Variants in INSYN2A observed in about 807,000 individuals in gnomAD.
The protein encoded by INSYN2A is family with sequence similarity 196 member A.
A neutral mutation model predicts 39.4 loss-of-function variants in INSYN2A; 17 were observed. The ratio of observed to expected loss-of-function variants is 0.43; its 90% CI spans 0.30 to 0.65. INSYN2A has a LOEUF of 0.65. INSYN2A is among the 30% of genes least tolerant of loss of function. The pLI is 0.14. For missense variants in INSYN2A, 595 were observed against 631.2 expected, an observed-to-expected ratio of 0.94 and a Z score of 0.61; for synonymous variants, 255 against 265.7, an observed-to-expected ratio of 0.96 and a Z score of 0.39.
intron 4 of INSYN2A, among the ~76,000 whole-genome samples, chr10:127,174,540 C>T (rs945508071): frequency 1.3e-5 from 2 of 152,114 alleles, no homozygotes; most frequent in South Asian, 4.2e-4. Context: ...AAGTATTGGC[C>T]GTGAAGTTAG....
At chr10:127,195,259 C>T (rs1265049017) in intron 1 of INSYN2A, among the ~76,000 whole-genome samples, 1 of 152,162 alleles carries the variant, frequency 6.6e-6, no homozygotes, top group Non-Finnish European at 1.5e-5. Context: ...GGGCTGCCCG[C>T]GGGCTCCCTC....
intron 4 of INSYN2A, among the ~76,000 whole-genome samples, chr10:127,166,043 T>A (rs972810996): frequency 1.3e-5 from 2 of 152,158 alleles, no homozygotes; most frequent in Non-Finnish European, 2.9e-5. Context: ...TTAAAAAATT[T>A]AAAAAATGCC....
intron 4 of INSYN2A, among the ~76,000 whole-genome samples, chr10:127,172,685 A>G (rs1030069980): frequency 2.0e-5 from 3 of 152,192 alleles, no homozygotes; most frequent in African/African-American, 7.2e-5. Context: ...TCCCAGGAAC[A>G]CAACAGAGAC....
intron 5 of INSYN2A, among the ~76,000 whole-genome samples, chr10:127,143,633 T>C (rs2051492197): frequency 6.6e-6 from 1 of 152,178 alleles, no homozygotes; most frequent in African/African-American, 2.4e-5. Flanking sequence ...TCAACTGACA[T>C]TGGCGCCAAC....
At chr10:127,156,638 G>A (rs1449825986) in intron 4 of INSYN2A, among the ~76,000 whole-genome samples, 2 of 131,474 alleles carry the variant, frequency 1.5e-5, no homozygotes, top group Non-Finnish European at 3.1e-5. Context: ...GCACAATCTG[G>A]GCTCACCACA....
At chr10:127,173,495 G>T (rs7916891) in intron 4 of INSYN2A, among the ~76,000 whole-genome samples, 1 of 152,014 alleles carries the variant, frequency 6.6e-6, no homozygotes, top group African/African-American at 2.4e-5. Flanking sequence ...TCTTGTGTTC[G>T]TGGGTGTTCA....
intron 4 of INSYN2A, among the ~76,000 whole-genome samples, chr10:127,166,059 TTTC>T (rs1306233464): frequency 6.6e-6 from 1 of 152,118 alleles, no homozygotes; most frequent in Non-Finnish European, 1.5e-5. Flanking sequence ...ATGCCTGCAT[TTTC>T]TTATTTATTT....
intron 2 of INSYN2A, among the ~76,000 whole-genome samples, chr10:127,184,350 A>G (rs2056023557): frequency 8.0e-6 from 1 of 125,256 alleles, no homozygotes; most frequent in African/African-American, 3.3e-5. Context: ...AGTCGTCACC[A>G]TGCCCTATTC....
chr10:127,171,991 C>A (rs1357363710), intron 4 of INSYN2A, among the ~76,000 whole-genome samples: 1 of 152,232 alleles, frequency 6.6e-6, no homozygotes, highest in Non-Finnish European at 1.5e-5. Flanking sequence ...AGGCATGATC[C>A]ACCGTGCCCG....
At position 127,148,030 on chromosome 10, in the gene INSYN2A, CAAAAAAAAAAAAAAA is replaced by C. The variant is rs57503481; in HGVS notation, c.1256+5807_1256+5821del. 4.1e-3 allele frequency among the ~76,000 whole-genome samples: 257 copies of C among 63,334 alleles called. 1 individual carries two copies. Among genetic ancestry groups the C allele is most frequent in the Middle Eastern group, 0.016 (1 of 64 alleles). The allele number at this position is 63,334 out of a possible 152,430, so 41.5% of individuals were successfully genotyped here. ...TGGGCAACAGAGTGAGACTCTGTCTCAAAAAAAAAAAAAAAAAAAAAAAAAAAAATTCCACCTGTC... is the reference window on the plus strand; with the variant it reads ...TGGGCAACAGAGTGAGACTCTGTCTCAAAAAAAAAAAAAATTCCACCTGTC... On this transcript the variant is annotated intron_variant, in intron 5 of 5. Coordinates refer to ENST00000522781, the MANE Select transcript of INSYN2A (RefSeq NM_001039762.3).
intron 5 of INSYN2A, 29 bp downstream of exon 5, chr10:127,153,823 A>G (rs369222449): frequency 6.5e-7 from 1 of 1,535,596 alleles, no homozygotes; most frequent in South Asian, 1.1e-5. Context: ...TCATAATAAG[A>G]AAGTGGGAAG....
intron 5 of INSYN2A, among the ~76,000 whole-genome samples, chr10:127,146,400 C>T (rs1011167742): frequency 2.6e-5 from 4 of 152,062 alleles, no homozygotes; most frequent in Non-Finnish European, 5.9e-5. Flanking sequence ...AACCTAAATC[C>T]GTACATATTC....
intron 5 of INSYN2A, 90 bp from the exon 6 acceptor site, chr10:127,138,110 T>C: frequency 8.8e-7 from 1 of 1,130,070 alleles, no homozygotes; most frequent in Non-Finnish European, 1.3e-6. Flanking sequence ...GCATGATCAG[T>C]GTGTGTTTGT....
intron 5 of INSYN2A, among the ~76,000 whole-genome samples, chr10:127,149,497 G>A (rs1217674296): frequency 2.0e-5 from 3 of 152,124 alleles, no homozygotes; most frequent in Non-Finnish European, 4.4e-5. Context: ...TTTATTACAG[G>A]CCTGTGGTGC....
At chr10:127,150,534 G>A (rs2052388190) in intron 5 of INSYN2A, among the ~76,000 whole-genome samples, 1 of 152,162 alleles carries the variant, frequency 6.6e-6, no homozygotes, top group Non-Finnish European at 1.5e-5. Context: ...ATGATGCTGG[G>A]ACCCTTAACT....
rs1240828661 is a variant in INSYN2A, at chr10:127,181,185, T to G, written c.-268-4046A>C. ...GTGTGTATATGTATGTATATATGCA[T>G]AGGTATATACGTGCCTGCGTATGTA... On this transcript the variant is annotated intron_variant, in intron 2 of 5. Coordinates refer to ENST00000522781, the MANE Select transcript of INSYN2A (RefSeq NM_001039762.3). 1.7e-4 allele frequency among the ~76,000 whole-genome samples: 26 copies of G among 152,220 alleles called. 1 individual carries two copies. Among genetic ancestry groups the G allele is most frequent in the Admixed American group, 1.7e-3 (26 of 15,294 alleles).
chr10:127,168,732 C>T lies in INSYN2A; in HGVS notation c.1184+6480G>A, dbSNP rs192776772. Among the ~76,000 whole-genome samples, 560 of 152,308 alleles carry T rather than the reference C, an allele frequency of 3.7e-3. 4 individuals carry two copies. The highest frequency in any genetic ancestry group is 5.7e-3 in the Non-Finnish European group (388 of 68,030). On this transcript the variant is annotated intron_variant, in intron 4 of 5. Transcript: ENST00000522781. Reference sequence around the variant, plus strand: ...TCACCTCACTGTGCCCAGCTTTCCCCTTGGCTCTTGGAGGGGTGAGCCTGG... The same window carrying T: ...TCACCTCACTGTGCCCAGCTTTCCCTTTGGCTCTTGGAGGGGTGAGCCTGG...
chr10:127,172,859 C>T (rs1337709147), intron 4 of INSYN2A, among the ~76,000 whole-genome samples: 1 of 152,286 alleles, frequency 6.6e-6, no homozygotes, highest in African/African-American at 2.4e-5. Context: ...AATGACATTT[C>T]GTGATGATGG....
intron 5 of INSYN2A, chr10:127,145,979 C>G (rs753262817): frequency 9.7e-6 from 5 of 515,226 alleles, no homozygotes; most frequent in Non-Finnish European, 1.5e-5. Flanking sequence ...AGAACCTGCC[C>G]TGGGGACCCC....
Sources: gnomAD v4.1 joint callset for allele counts (sites outside exome capture counted in the v4.1 genomes callset) on GRCh38, gnomAD v4.1.1 for gene constraint, MANE v1.5 for transcripts, NCBI Gene and HGNC (gene_info 2026-07-23, HGNC 2026-07-21) for gene names.